The following PLCB4 variants were observed in gnomAD, a reference collection of about 807,000 sequenced individuals.
PLCB4 encodes the protein 1-phosphatidylinositol 4,5-bisphosphate phosphodiesterase beta-4.
In PLCB4, 77 loss-of-function variants were observed where a neutral mutation model predicts 178.8. The ratio of observed to expected loss-of-function variants is 0.43; its 90% CI spans 0.36 to 0.52. The LOEUF is 0.52. PLCB4 is among the 20% of genes least tolerant of loss of function. The pLI is 0.00. For synonymous variants in PLCB4, 496 were observed against 490.8 expected, an observed-to-expected ratio of 1.01 and a Z score of -0.14; for missense variants, 1,024 against 1,453.4, an observed-to-expected ratio of 0.70 and a Z score of 4.80.
intron 8 of PLCB4, among the ~76,000 whole-genome samples, chr20:9,364,136 T>C (rs1280249271): frequency 1.3e-5 from 2 of 152,248 alleles, no homozygotes; most frequent in Non-Finnish European, 2.9e-5. Context: ...CTTATCTATT[T>C]CTATGTGTTG....
At chr20:9,379,735 G>A (rs139439835) in intron 12 of PLCB4, among the ~76,000 whole-genome samples, 8 of 152,180 alleles carry the variant, frequency 5.3e-5, no homozygotes, top group Admixed American at 1.3e-4. Context: ...CATGCCAAAT[G>A]TCTTCCCTGT....
chr20:9,387,680 C>G (rs991308934), intron 15 of PLCB4, 124 bp downstream of exon 15: 1 of 513,360 alleles, frequency 1.9e-6, no homozygotes, highest in Non-Finnish European at 3.4e-6. Flanking sequence ...TTCCCTTCTT[C>G]CAGTCTTGAG....
rs2044765404 is a variant in PLCB4, at chr20:9,479,536, A to G, written c.*527A>G. On this transcript the variant is annotated 3_prime_UTR_variant, in exon 40 of 40. Coordinates refer to ENST00000378473, the MANE Select transcript of PLCB4 (RefSeq NM_001377142.1). ...GTAAGTGCCATGTCTCTACCATGCCATCAGAGGCTAATTTCCTGTAAAAGT... is the reference window on the plus strand; with the variant it reads ...GTAAGTGCCATGTCTCTACCATGCCGTCAGAGGCTAATTTCCTGTAAAAGT... The G allele has an allele frequency of 6.5e-6, 1 of 154,712 alleles. No individual in the cohort carries two copies. The highest frequency in any genetic ancestry group is 1.4e-5 in the Non-Finnish European group (1 of 69,422). 9.6% of individuals were successfully genotyped at this position (154,712 alleles called of 1,614,324 possible).
chr20:9,083,957 A>G (rs1568717463), intron 1 of PLCB4, among the ~76,000 whole-genome samples: 1 of 152,250 alleles, frequency 6.6e-6, no homozygotes, highest in East Asian at 1.9e-4. Flanking sequence ...TGGCAGTCCT[A>G]GAAACCTAAT....
intron 25 of PLCB4, among the ~76,000 whole-genome samples, chr20:9,415,669 T>C (rs2040191926): frequency 6.6e-6 from 1 of 152,220 alleles, no homozygotes. Flanking sequence ...TGGAATGAGT[T>C]CATTTTCTGT....
At chr20:9,360,475 CT>C (rs71184143) in intron 7 of PLCB4, among the ~76,000 whole-genome samples, 161 of 144,350 alleles carry the variant, frequency 1.1e-3, no homozygotes, top group East Asian at 4.6e-3. Flanking sequence ...AAATTGTCCA[CT>C]TTTTTTTTTT....
At chr20:9,158,576 C>T (rs757462935) in intron 2 of PLCB4, among the ~76,000 whole-genome samples, 32 of 149,174 alleles carry the variant, frequency 2.1e-4, no homozygotes, top group African/African-American at 7.7e-4. Flanking sequence ...GCCACTCTCA[C>T]GTTTTTTTTT....
At chr20:9,466,903 A>G (rs1305050216) in intron 35 of PLCB4, among the ~76,000 whole-genome samples, 2 of 152,228 alleles carry the variant, frequency 1.3e-5, no homozygotes, top group Non-Finnish European at 2.9e-5. Flanking sequence ...TAGAAATCCC[A>G]TTTGACCCAG....
At chr20:9,375,249 T>C (rs971391223) in intron 12 of PLCB4, among the ~76,000 whole-genome samples, 10 of 152,060 alleles carry the variant, frequency 6.6e-5, no homozygotes, top group Admixed American at 1.3e-4. Flanking sequence ...GCCCCTCTTA[T>C]CTCTCCAAAA....
intron 7 of PLCB4, among the ~76,000 whole-genome samples, chr20:9,355,911 C>T (rs2034769222): frequency 6.6e-6 from 1 of 152,202 alleles, no homozygotes; most frequent in South Asian, 2.1e-4. Context: ...ACAGTCCCAC[C>T]AACAGTGCAA....
intron 36 of PLCB4, among the ~76,000 whole-genome samples, chr20:9,471,052 C>T (rs763316175): frequency 6.6e-6 from 1 of 152,106 alleles, no homozygotes; most frequent in South Asian, 2.1e-4. Context: ...ATCATACTTA[C>T]ATTTTTAGAT....
chr20:9,102,329 A>C (rs2091188487), intron 2 of PLCB4, among the ~76,000 whole-genome samples: 1 of 152,224 alleles, frequency 6.6e-6, no homozygotes, highest in African/African-American at 2.4e-5. Flanking sequence ...GCCAATGAAG[A>C]TGGAAAGAGG....
At chr20:9,458,113 C>A (rs886123988) in intron 34 of PLCB4, among the ~76,000 whole-genome samples, 4 of 151,626 alleles carry the variant, frequency 2.6e-5, no homozygotes, top group Admixed American at 6.6e-5. Flanking sequence ...AAAAAAAAAA[C>A]CAACAACAAC....
At chr20:9,204,767 A>T (rs1057311592) in intron 2 of PLCB4, among the ~76,000 whole-genome samples, 1 of 152,258 alleles carries the variant, frequency 6.6e-6, no homozygotes, top group Admixed American at 6.5e-5. Flanking sequence ...GGGAATGTAT[A>T]TTAGGCTTAA....
chr20:9,253,997 A>G (rs1193130431), intron 3 of PLCB4, among the ~76,000 whole-genome samples: 1 of 152,224 alleles, frequency 6.6e-6, no homozygotes, highest in Non-Finnish European at 1.5e-5. Flanking sequence ...TGGTCTGCCC[A>G]GCTCTAATAG....
chr20:9,464,793 G>T (rs2043652360), intron 35 of PLCB4, among the ~76,000 whole-genome samples: 1 of 151,912 alleles, frequency 6.6e-6, no homozygotes, highest in South Asian at 2.1e-4. Context: ...ATAATTAATA[G>T]CCTACCAATC....
intron 4 of PLCB4, among the ~76,000 whole-genome samples, chr20:9,321,045 AG>A (rs1179249984): frequency 6.6e-5 from 10 of 152,388 alleles, no homozygotes; most frequent in Non-Finnish European, 1.3e-4. Context: ...TTCCTCAAAC[AG>A]GCAACACAGA....
intron 12 of PLCB4, among the ~76,000 whole-genome samples, chr20:9,376,706 T>A: frequency 6.6e-6 from 1 of 152,206 alleles, no homozygotes; most frequent in South Asian, 2.1e-4. Flanking sequence ...TTTTTAGTTT[T>A]ACCTTCATTC....
chr20:9,437,534 G>A (rs1052071889), intron 30 of PLCB4, among the ~76,000 whole-genome samples: 1 of 152,228 alleles, frequency 6.6e-6, no homozygotes, highest in African/African-American at 2.4e-5. Context: ...AGAATCACGT[G>A]TCTCATATTC....
Sources: allele counts gnomAD v4.1 joint callset (sites outside exome capture counted in the v4.1 genomes callset), GRCh38; gene constraint gnomAD v4.1.1; transcripts MANE v1.5; gene names NCBI Gene and HGNC (gene_info 2026-07-23, HGNC 2026-07-21).